The following ANKRD29 variants were observed in gnomAD, a reference collection of about 807,000 sequenced individuals.
ANKRD29 encodes the protein ankyrin repeat domain 29.
In ANKRD29, 32 loss-of-function variants were observed where a neutral mutation model predicts 38.0. That is an observed-to-expected ratio of 0.84 (90% CI 0.64 to 1.13). ANKRD29 has a LOEUF of 1.13. Among genes scored for constraint, ANKRD29 ranks in the 50% most tolerant of loss-of-function variants. ANKRD29 has a pLI of 0.00. For missense variants in ANKRD29, 357 were observed against 377.9 expected (o/e 0.94, Z 0.46); for synonymous variants, 135 against 152.4 (o/e 0.89, Z 0.84).
At chr18:23,651,065 CT>C (rs1323246336) in intron 1 of ANKRD29, among the ~76,000 whole-genome samples, 1 of 152,172 alleles carries the variant, frequency 6.6e-6, no homozygotes, top group Non-Finnish European at 1.5e-5. Context: ...ATTTCAGCTA[CT>C]CAACAAGCCC....
intron 6 of ANKRD29, among the ~76,000 whole-genome samples, chr18:23,624,576 T>C (rs1264080356): frequency 6.7e-6 from 1 of 149,372 alleles, no homozygotes; most frequent in African/African-American, 2.5e-5. Flanking sequence ...TGTGTGTGTA[T>C]ATCAAGTAGA....
At chr18:23,604,262 C>T (rs2059548803) in intron 9 of ANKRD29, among the ~76,000 whole-genome samples, 1 of 152,178 alleles carries the variant, frequency 6.6e-6, no homozygotes, top group Admixed American at 6.5e-5. Context: ...TAAGTCCTGC[C>T]CTTAGGCAGT....
Position 23,612,104 on chromosome 18 carries a change from G to T in ANKRD29, c.810C>A (p.Ser270=). Residue 270 remains serine (S), a synonymous_variant, in exon 9 of 10, where the codon TCC becomes TCA. Coordinates refer to ENST00000592179, the MANE Select transcript of ANKRD29 (RefSeq NM_173505.4). ...GCTTAGTGGGTACCTTGTTTCTCAG[G>T]GATGGGTCTGCCCCTGCTTCTAGGA... is the stretch of plus-strand genomic sequence containing the variant. ...ALLLEAGADP[S]LRNKANELPA... 6.2e-7 allele frequency: 1 copy of T among 1,613,512 alleles called. No homozygotes were observed. The highest frequency in any genetic ancestry group is 8.5e-7 in the Non-Finnish European group (1 of 1,179,942).
intron 1 of ANKRD29, among the ~76,000 whole-genome samples, chr18:23,653,847 AG>A (rs1295265228): frequency 6.6e-6 from 1 of 152,060 alleles, no homozygotes; most frequent in Non-Finnish European, 1.5e-5. Flanking sequence ...CTGAGATTAC[AG>A]GCATGAGCCA....
chr18:23,625,583 T>C (rs1426646314), intron 6 of ANKRD29, among the ~76,000 whole-genome samples: 2 of 152,162 alleles, frequency 1.3e-5, no homozygotes, highest in Non-Finnish European at 2.9e-5. Flanking sequence ...TCTGTTCCAA[T>C]GAGGCCTGGT....
intron 1 of ANKRD29, among the ~76,000 whole-genome samples, chr18:23,650,151 G>C (rs1212271335): frequency 6.6e-6 from 1 of 151,286 alleles, no homozygotes; most frequent in Non-Finnish European, 1.5e-5. Flanking sequence ...CTGTTGGATC[G>C]TTTTGTTTGT....
chr18:23,620,407 T>C (rs1295412361), intron 6 of ANKRD29, among the ~76,000 whole-genome samples: 1 of 152,084 alleles, frequency 6.6e-6, no homozygotes, highest in African/African-American at 2.4e-5. Context: ...GGTGGAGATA[T>C]ATTGCTTCAG....
At chr18:23,636,480 G>A (rs1739348422) in intron 4 of ANKRD29, among the ~76,000 whole-genome samples, 1 of 152,118 alleles carries the variant, frequency 6.6e-6, no homozygotes, top group Non-Finnish European at 1.5e-5. Context: ...TGCCCAGGCT[G>A]GTCTCCAACT....
chr18:23,620,772 T>A (rs1301653347), intron 6 of ANKRD29, among the ~76,000 whole-genome samples: 1 of 152,060 alleles, frequency 6.6e-6, no homozygotes, highest in African/African-American at 2.4e-5. Context: ...CCGTGGGAGT[T>A]TCAGAGTCAG....
chr18:23,634,476 G>T (rs2059978326), intron 4 of ANKRD29, among the ~76,000 whole-genome samples: 1 of 151,730 alleles, frequency 6.6e-6, no homozygotes, highest in Non-Finnish European at 1.5e-5. Context: ...TTTTAGAAGA[G>T]ATGGGGTTTC....
chr18:23,609,255 G>C (rs2059611406), intron 9 of ANKRD29: 2 of 152,088 alleles, frequency 1.3e-5, no homozygotes, highest in Admixed American at 6.6e-5. Context: ...ACACCACCCA[G>C]ACCAGTAATC....
rs755809584 is a variant in ANKRD29 at position 23,648,969 on chromosome 18, C to A, written c.132+114G>T. ...GATGTTTTAAAAAGGATAAAGCAAG[C>A]AAACACATGAAAAAGTAAATAAGCA... On this transcript the variant is annotated intron_variant, in intron 2 of 9. Coordinates refer to ENST00000592179, the MANE Select transcript of ANKRD29 (RefSeq NM_173505.4). The A allele has an allele frequency of 4.6e-6, 4 of 876,804 alleles. No homozygotes were observed. The African/African-American group carries it at 5.1e-5, about 11-fold the overall frequency. The allele number at this position is 876,804 out of a possible 1,614,324, so 54.3% of individuals were successfully genotyped here.
chr18:23,657,333 G>C (rs1598549520), intron 1 of ANKRD29, among the ~76,000 whole-genome samples: 1 of 152,164 alleles, frequency 6.6e-6, no homozygotes, highest in South Asian at 2.1e-4. Context: ...ATTCCACAGC[G>C]AATGGAGCCC....
intron 7 of ANKRD29, chr18:23,619,318 AG>A: frequency 1.8e-6 from 1 of 549,748 alleles, no homozygotes; most frequent in Non-Finnish European, 3.1e-6. Flanking sequence ...CCTAAGGCTA[AG>A]ATTCCACCCT....
chr18:23,631,379 T>C (rs1487152969), intron 5 of ANKRD29, among the ~76,000 whole-genome samples: 1 of 151,976 alleles, frequency 6.6e-6, no homozygotes, highest in Non-Finnish European at 1.5e-5. Context: ...TTGTTGGGAC[T>C]ACAGGCGTGC....
chr18:23,652,309 A>G (rs1196354540), intron 1 of ANKRD29, among the ~76,000 whole-genome samples: 1 of 152,164 alleles, frequency 6.6e-6, no homozygotes, highest in Non-Finnish European at 1.5e-5. Flanking sequence ...GGACGACCCC[A>G]TTTTACAGAT....
intron 8 of ANKRD29, 50 bp from the exon 9 acceptor site, chr18:23,612,240 A>C (rs1288267090): frequency 9.9e-6 from 15 of 1,518,618 alleles, no homozygotes; most frequent in Non-Finnish European, 1.2e-5. Flanking sequence ...AGCCATTGGC[A>C]TTCAGCATGG....
intron 1 of ANKRD29, among the ~76,000 whole-genome samples, chr18:23,660,660 A>G (rs1260709324): frequency 6.6e-6 from 1 of 152,198 alleles, no homozygotes; most frequent in Non-Finnish European, 1.5e-5. Flanking sequence ...ACAAAAAATT[A>G]GCTGGGCTTG....
chr18:23,654,915 T>A (rs1276271101), intron 1 of ANKRD29, among the ~76,000 whole-genome samples: 3 of 152,102 alleles, frequency 2.0e-5, no homozygotes. Context: ...AAACTATTAG[T>A]TTAAAAAAGT....
Sources: allele counts gnomAD v4.1 joint callset (sites outside exome capture counted in the v4.1 genomes callset), GRCh38; gene constraint gnomAD v4.1.1; transcripts MANE v1.5; gene names NCBI Gene and HGNC (gene_info 2026-07-23, HGNC 2026-07-21).